The following DLGAP2 variants were observed in gnomAD, a reference collection of about 807,000 sequenced individuals.
DLGAP2 encodes the protein disks large-associated protein 2.
DLGAP2 carries 26 observed loss-of-function variants against 100.3 expected under a neutral mutation model. The ratio of observed to expected loss-of-function variants is 0.26; its 90% confidence interval spans 0.19 to 0.36. The LOEUF (loss-of-function observed/expected upper bound fraction) is 0.36. DLGAP2 is among the 10% of genes least tolerant of loss of function. The pLI is 1.00. For synonymous variants in DLGAP2, 886 were observed against 630.1 expected (o/e 1.41, Z -6.08); for missense variants, 1,858 against 1,453.2 (o/e 1.28, Z -4.53).
intron 8 of DLGAP2, among the ~76,000 whole-genome samples, chr8:1,638,435 A>G (rs1797819842): frequency 6.6e-6 from 1 of 151,942 alleles, no homozygotes; most frequent in Non-Finnish European, 1.5e-5. Context: ...TTGGTCTGGG[A>G]CTCACAGCCT....
intron 3 of DLGAP2, among the ~76,000 whole-genome samples, chr8:1,409,551 C>T (rs888901381): frequency 6.6e-6 from 1 of 152,194 alleles, no homozygotes; most frequent in Admixed American, 6.5e-5. Flanking sequence ...CCCAGCCTGT[C>T]ACCGTGTGAT....
chr8:1,255,408 C>T (rs1249000952), intron 2 of DLGAP2, among the ~76,000 whole-genome samples: 1 of 138,196 alleles, frequency 7.2e-6, no homozygotes, highest in Non-Finnish European at 1.5e-5. Context: ...CCTCTCCTGC[C>T]TGGGTGCTGT....
intron 2 of DLGAP2, among the ~76,000 whole-genome samples, chr8:1,042,729 GAGT>G (rs1802390333): frequency 6.7e-5 from 10 of 149,080 alleles, no homozygotes; most frequent in African/African-American, 1.2e-4. Flanking sequence ...TGGTGGATGT[GAGT>G]GGTGGATGTG....
chr8:1,337,513 G>T (rs1251548831), intron 3 of DLGAP2, among the ~76,000 whole-genome samples: 2 of 145,764 alleles, frequency 1.4e-5, no homozygotes, highest in Non-Finnish European at 3.1e-5. Context: ...GATGATGATG[G>T]TGATGCTGAT....
At chr8:1,137,396 G>A in intron 2 of DLGAP2, 1 of 152,724 alleles carries the variant, frequency 6.5e-6, no homozygotes, top group Non-Finnish European at 1.5e-5. Flanking sequence ...CACAGAAGCT[G>A]CCCCGAGCTG....
At chr8:796,321 C>A (rs1796036032) in intron 1 of DLGAP2, among the ~76,000 whole-genome samples, 1 of 152,186 alleles carries the variant, frequency 6.6e-6, no homozygotes, top group Admixed American at 6.5e-5. Flanking sequence ...TGTCATCTGG[C>A]CACTCGCTCC....
chr8:1,684,256 A>G (rs1799054784), intron 12 of DLGAP2, among the ~76,000 whole-genome samples: 2 of 151,982 alleles, frequency 1.3e-5, no homozygotes, highest in African/African-American at 2.4e-5. Context: ...TAAATTGCCC[A>G]GATACCTTCA....
intron 2 of DLGAP2, among the ~76,000 whole-genome samples, chr8:985,217 A>T (rs1431541726): frequency 6.6e-6 from 1 of 152,188 alleles, no homozygotes; most frequent in Non-Finnish European, 1.5e-5. Context: ...ATGAGTCAAG[A>T]TACAAGGTCC....
chr8:998,153 CACAT>C (rs777990931), intron 2 of DLGAP2, among the ~76,000 whole-genome samples: 46 of 152,348 alleles, frequency 3.0e-4, no homozygotes, highest in African/African-American at 1.1e-3. Context: ...ATACACAACA[CACAT>C]ACACACATGT....
At chr8:1,184,815 G>A (rs1397417476) in intron 2 of DLGAP2, among the ~76,000 whole-genome samples, 1 of 152,166 alleles carries the variant, frequency 6.6e-6, no homozygotes, top group East Asian at 1.9e-4. Flanking sequence ...TGGGCTAAGT[G>A]CTCTGCGCAC....
chr8:1,474,014 C>T (rs1008364820), intron 3 of DLGAP2, among the ~76,000 whole-genome samples: 1 of 152,118 alleles, frequency 6.6e-6, no homozygotes, highest in Non-Finnish European at 1.5e-5. Flanking sequence ...ACATTCTGCC[C>T]AATGTGTAGT....
intron 3 of DLGAP2, among the ~76,000 whole-genome samples, chr8:1,276,109 A>G (rs1799688937): frequency 7.0e-6 from 1 of 142,122 alleles, no homozygotes; most frequent in Admixed American, 7.4e-5. Flanking sequence ...ATATAAATAT[A>G]TATATAATAT....
At chr8:1,452,386 C>G (rs540148909) in intron 3 of DLGAP2, among the ~76,000 whole-genome samples, 1 of 152,228 alleles carries the variant, frequency 6.6e-6, no homozygotes, top group African/African-American at 2.4e-5. Flanking sequence ...TGAGCCGAGG[C>G]TATGCGTGCG....
chr8:900,592 G>A (rs4735826), intron 1 of DLGAP2, among the ~76,000 whole-genome samples: 74,445 of 151,992 alleles, frequency 0.49, 18,777 homozygotes, highest in Admixed American at 0.62. Flanking sequence ...AATTTCCCCC[G>A]GTTCAGCACC....
chr8:1,604,174 A>C (rs1435565878), intron 6 of DLGAP2, among the ~76,000 whole-genome samples: 1 of 152,234 alleles, frequency 6.6e-6, no homozygotes, highest in Non-Finnish European at 1.5e-5. Context: ...ATGGATTCAG[A>C]AATCATTTTC....
chr8:1,295,051 G>A (rs1367180098), intron 3 of DLGAP2, among the ~76,000 whole-genome samples: 1 of 152,092 alleles, frequency 6.6e-6, no homozygotes, highest in Admixed American at 6.6e-5. Context: ...CAGAAGGAAA[G>A]GAAATAATTT....
At chr8:979,561 C>A (rs1435263663) in intron 2 of DLGAP2, among the ~76,000 whole-genome samples, 1 of 152,166 alleles carries the variant, frequency 6.6e-6, no homozygotes, top group Non-Finnish European at 1.5e-5. Context: ...ACTGTGTGGG[C>A]AGGTTTTGCA....
At chr8:1,697,549 C>G (rs1040544019) in intron 14 of DLGAP2, among the ~76,000 whole-genome samples, 13 of 152,364 alleles carry the variant, frequency 8.5e-5, no homozygotes, top group African/African-American at 2.9e-4. Flanking sequence ...CCTGCTCTGT[C>G]TCTTCTATAT....
intron 3 of DLGAP2, among the ~76,000 whole-genome samples, chr8:1,480,812 G>C (rs1799070458): frequency 6.6e-6 from 1 of 151,750 alleles, no homozygotes; most frequent in Admixed American, 6.6e-5. Flanking sequence ...GTTGCAGTGA[G>C]CTGAGATCAC....
Sources: gnomAD v4.1 joint callset for allele counts (sites outside exome capture counted in the v4.1 genomes callset) on GRCh38, gnomAD v4.1.1 for gene constraint, MANE v1.5 for transcripts, NCBI Gene and HGNC (gene_info 2026-07-23, HGNC 2026-07-21) for gene names.